Variants in KCNJ5 observed in about 807,000 individuals in gnomAD.
KCNJ5 encodes potassium inwardly rectifying channel subfamily J member 5.
KCNJ5 carries 12 observed loss-of-function variants against 20.2 expected under a neutral mutation model. That is an observed-to-expected ratio of 0.59 (90% CI 0.38 to 0.96). The LOEUF is 0.96. Among genes scored for constraint, KCNJ5 ranks in the 40% least tolerant of loss-of-function variants. The probability of loss-of-function intolerance (pLI) is 0.00; values close to 1 mark genes in which losing one functional copy is unlikely to be tolerated. For missense variants in KCNJ5, 449 were observed against 557.6 expected, an observed-to-expected ratio of 0.81 and a Z score of 1.96; for synonymous variants, 210 against 213.9, an observed-to-expected ratio of 0.98 and a Z score of 0.16.
Position 128,898,638 on chromosome 11 carries a change from A to G in KCNJ5, c.-11+6917A>G, listed in dbSNP as rs116407464. ...TTCCTTTTTGTCCTTTGCTTTTTTA[A>G]ATCCTTCTTTCATTCTCAACTCCTT... On this transcript the variant is annotated intron_variant, in intron 1 of 2. Transcript: ENST00000529694. 5.6e-3 allele frequency among the ~76,000 whole-genome samples: 847 copies of G among 151,844 alleles called. 5 individuals carry two copies. The highest frequency in any genetic ancestry group is 0.027 in the Middle Eastern group (8 of 294).
At position 128,912,084 on chromosome 11, in the gene KCNJ5, G is replaced by T; in HGVS notation, c.811G>T (p.Val271Leu). ...FDTGDDRLFL[V>L]SPLIISHEIN... ...CACGGGCGACGACCGCCTCTTCCTT[G>T]TGTCTCCTCTGATCATCTCCCATGA... is the stretch of plus-strand genomic sequence containing the variant. The change falls in exon 2 of 3, where the codon GTG becomes TTG. Residue 271 changes from valine to leucine, a missense_variant. Transcript: ENST00000529694. 2 of 1,613,846 alleles carry T rather than the reference G, an allele frequency of 1.2e-6. No homozygotes were observed. The highest frequency in any genetic ancestry group is 1.7e-6 in the Non-Finnish European group (2 of 1,180,014).
At chr11:128,902,753 G>T in intron 1 of KCNJ5, 1 of 1,564,696 alleles carries the variant, frequency 6.4e-7, no homozygotes, top group South Asian at 1.2e-5. Context: ...GGAATTCAGT[G>T]GCACTACCAC....
rs113761140 is a variant in KCNJ5, at chr11:128,891,397, GACACAC to G, written c.-295_-290del. The G allele has an allele frequency of 0.031, 2,629 of 85,488 alleles. 64 individuals are homozygous for G. The highest frequency in any genetic ancestry group is 0.036 in the Admixed American group (271 of 7,596). The allele number at this position is 85,488 out of a possible 1,614,324, so 5.3% of individuals were successfully genotyped here. A position where few individuals can be genotyped will look rare whatever the true frequency, so the allele number is the denominator to read the frequency against. On this transcript the variant is annotated 5_prime_UTR_variant, in exon 1 of 3. Transcript: ENST00000529694. Reference sequence around the variant, plus strand: ...GAGGGAGAGAGGAGAGGGAGGAGGGGACACACACACACACACACACACACACACACA... The same window carrying G: ...GAGGGAGAGAGGAGAGGGAGGAGGGGACACACACACACACACACACACACA...
chr11:128,895,172 G>A (rs988687948), intron 1 of KCNJ5, among the ~76,000 whole-genome samples: 2 of 152,222 alleles, frequency 1.3e-5, no homozygotes, highest in Non-Finnish European at 2.9e-5. Flanking sequence ...CTGTGACTTG[G>A]CGGTCCGGGG....
At chr11:128,896,899 T>C (rs1390236480) in intron 1 of KCNJ5, among the ~76,000 whole-genome samples, 1 of 152,114 alleles carries the variant, frequency 6.6e-6, no homozygotes, top group African/African-American at 2.4e-5. Context: ...TTTTTATTTT[T>C]TTTCGAAGAA....
At chr11:128,904,576 T>G (rs1386958544) in intron 1 of KCNJ5, 1 of 996,722 alleles carries the variant, frequency 1.0e-6, no homozygotes, top group African/African-American at 1.6e-5. Flanking sequence ...TCACTGCGGC[T>G]TCTTAGCAAA....
chr11:128,904,370 C>T, intron 1 of KCNJ5: 2 of 1,605,462 alleles, frequency 1.2e-6, no homozygotes, highest in Admixed American at 1.7e-5. Flanking sequence ...CTGTGTACTC[C>T]CCACCAGACC....
At chr11:128,912,455 G>C (rs1486542520) in intron 2 of KCNJ5, among the ~76,000 whole-genome samples, 4 of 152,124 alleles carry the variant, frequency 2.6e-5, no homozygotes, top group Non-Finnish European at 4.4e-5. Context: ...CTATCATCTG[G>C]CCAAATGTCC....
chr11:128,911,244 G>C lies in KCNJ5; in HGVS notation c.-10-20G>C. The C allele has an allele frequency of 6.3e-7, 1 of 1,594,568 alleles. No homozygotes were observed. The highest frequency in any genetic ancestry group is 8.6e-7 in the Non-Finnish European group (1 of 1,162,850). The stretch of plus-strand genomic sequence containing the variant: ...AATCAGAACAGCCCACTTCACTGAT[G>C]GTGTCTTTTTAACTCAAAGCATCCC... On this transcript the variant is annotated intron_variant, in intron 1 of 2. Coordinates refer to ENST00000529694, the MANE Select transcript of KCNJ5 (RefSeq NM_000890.5). The surrounding 1 kb of genome is among the most constrained non-coding windows in gnomAD (Gnocchi z 6.3).
intron 1 of KCNJ5, chr11:128,903,632 A>C: frequency 9.4e-7 from 1 of 1,062,964 alleles, no homozygotes; most frequent in Non-Finnish European, 1.4e-6. Context: ...GTGACGGGGC[A>C]CTCTTGGTGA....
At chr11:128,904,957 T>C (rs1944372361) in intron 1 of KCNJ5, among the ~76,000 whole-genome samples, 1 of 152,152 alleles carries the variant, frequency 6.6e-6, no homozygotes, top group Admixed American at 6.5e-5. Context: ...CCTGACGGGT[T>C]TTTAAAGATT....
intron 2 of KCNJ5, among the ~76,000 whole-genome samples, chr11:128,913,939 G>C (rs1944539175): frequency 6.6e-6 from 1 of 152,234 alleles, no homozygotes; most frequent in South Asian, 2.1e-4. Flanking sequence ...TTCCCATTTT[G>C]AAGTTGGTGG....
chr11:128,904,481 T>C (rs1944358213), intron 1 of KCNJ5: 2 of 1,606,854 alleles, frequency 1.2e-6, no homozygotes, highest in Non-Finnish European at 1.7e-6. Context: ...CAGCACGTTG[T>C]CCAGCTCCCA....
rs1348543328 is a variant in KCNJ5 at position 128,911,336 on chromosome 11, C to A, written c.63C>A (p.Asp21Glu). 6.2e-7 allele frequency: 1 copy of A among 1,614,166 alleles called. No individual in the cohort carries two copies. Among genetic ancestry groups the A allele is most frequent in the Admixed American group, 1.7e-5 (1 of 60,030 alleles). ...TGGAGATTGGAGTCACTCCCTGGGA[C>A]CCCAAGAAGATTCCAAAACAGGCCC... ...QDMEIGVTPW[D>E]PKKIPKQARD... The change falls in exon 2 of 3, where the codon GAC becomes GAA. Residue 21 changes from aspartate to glutamate, a missense_variant. Asp to Glu is a conservative substitution (Grantham distance 45, BLOSUM62 2). Coordinates refer to ENST00000529694, the MANE Select transcript of KCNJ5 (RefSeq NM_000890.5). The surrounding 1 kb of genome is among the most constrained non-coding windows in gnomAD (Gnocchi z 6.3).
chr11:128,910,270 A>T (rs1248010293), intron 1 of KCNJ5, among the ~76,000 whole-genome samples: 1 of 152,172 alleles, frequency 6.6e-6, no homozygotes, highest in African/African-American at 2.4e-5. Context: ...ATCTCTTGGA[A>T]GTGTGGTAGG....
intron 1 of KCNJ5, among the ~76,000 whole-genome samples, chr11:128,896,761 G>C (rs1156666064): frequency 3.3e-5 from 5 of 152,180 alleles, no homozygotes; most frequent in African/African-American, 1.2e-4. Flanking sequence ...GGACTATTAT[G>C]AATAAAGTTG....
chr11:128,891,437 CACACAGAGAGAGAGAGAGAGAG>C lies in KCNJ5; in HGVS notation c.-293_-272del, dbSNP rs1944084028. ...ACACACACACACACACACACACACA[CACACAGAGAGAGAGAGAGAGAG>C]AGAGAGAGAGAGAGAGATTGTTCCA... On this transcript the variant is annotated 5_prime_UTR_variant, in exon 1 of 3. Coordinates refer to ENST00000529694, the MANE Select transcript of KCNJ5 (RefSeq NM_000890.5). 2 of 74,422 alleles carry C rather than the reference CACACAGAGAGAGAGAGAGAGAG, an allele frequency of 2.7e-5. No individual in the cohort carries two copies. The highest frequency in any genetic ancestry group is 2.8e-4 in the Admixed American group (2 of 7,160). 4.6% of individuals were successfully genotyped at this position (74,422 alleles called of 1,614,324 possible).
rs1236067678 is a variant in KCNJ5, at chr11:128,892,256, C to T, written c.-11+535C>T. Among the ~76,000 whole-genome samples, 4 of 152,240 alleles carry T rather than the reference C, an allele frequency of 2.6e-5. No homozygotes were observed. The East Asian group carries it at 5.8e-4, about 22-fold the overall frequency. ...TACCTCCCTATCTCCTTTTAAAGAGCTTTCAAATGGTTCAGAAAGGCCAGG... is the reference window on the plus strand; with the variant it reads ...TACCTCCCTATCTCCTTTTAAAGAGTTTTCAAATGGTTCAGAAAGGCCAGG... On this transcript the variant is annotated intron_variant, in intron 1 of 2. Coordinates refer to ENST00000529694, the MANE Select transcript of KCNJ5 (RefSeq NM_000890.5).
chr11:128,913,763 CAGTG>C (rs1345565411), intron 2 of KCNJ5, among the ~76,000 whole-genome samples: 3 of 152,192 alleles, frequency 2.0e-5, no homozygotes, highest in Middle Eastern at 3.2e-3. Context: ...ATTATGTAGA[CAGTG>C]AGTGTTCATA....
Sources: allele counts gnomAD v4.1 joint callset (sites outside exome capture counted in the v4.1 genomes callset), GRCh38; gene constraint gnomAD v4.1.1; non-coding constraint Gnocchi (gnomAD v3.1); transcripts MANE v1.5; gene names NCBI Gene and HGNC (gene_info 2026-07-23, HGNC 2026-07-21).